FMNL2: variants seen among roughly 807,000 people sequenced by gnomAD.
The protein encoded by FMNL2 is formin like 2, also known as formin-like protein 2.
Under a neutral mutation model 130.2 loss-of-function variants are expected in FMNL2, and 51 were observed. That is an observed-to-expected ratio of 0.39 (90% confidence interval 0.31 to 0.49). FMNL2 has a LOEUF of 0.49. Ranked by LOEUF, FMNL2 falls within the 20% of genes least tolerant of loss-of-function variation. FMNL2 has a pLI of 0.85. For synonymous variants in FMNL2, 465 were observed against 467.1 expected (o/e 1.00, Z 0.06); for missense variants, 977 against 1,316.2 (o/e 0.74, Z 3.99).
In FMNL2 at chr2:152,593,979, C is replaced by T. The variant is rs528039470; in HGVS notation, c.876+12930C>T. ...ACTAAGTAACTAAGGAGGAAAACTC[C>T]CCCACAGGGACCCCAGTCCAGAAGG... On this transcript the variant is annotated intron_variant, in intron 9 of 25. Coordinates refer to ENST00000288670, the MANE Select transcript of FMNL2 (RefSeq NM_052905.4). Among the ~76,000 whole-genome samples the T allele has an allele frequency of 2.0e-5, 3 of 149,720 alleles. No individual in the cohort carries two copies. In the Admixed American group the frequency reaches 2.0e-4, roughly 10 times the overall value.
intron 1 of FMNL2, among the ~76,000 whole-genome samples, chr2:152,500,970 G>A (rs1284595289): frequency 6.6e-6 from 1 of 152,242 alleles, no homozygotes; most frequent in African/African-American, 2.4e-5. Context: ...GTCCCTGACC[G>A]AGGCAGGCGC....
intron 2 of FMNL2, among the ~76,000 whole-genome samples, chr2:152,537,517 C>T (rs756836135): frequency 1.3e-5 from 2 of 152,162 alleles, no homozygotes; most frequent in South Asian, 2.1e-4. Flanking sequence ...TTGGCTCTGA[C>T]GTGAGCTTGA....
intron 9 of FMNL2, among the ~76,000 whole-genome samples, chr2:152,594,283 T>A (rs1192664607): frequency 6.6e-6 from 1 of 152,206 alleles, no homozygotes; most frequent in African/African-American, 2.4e-5. Context: ...TAAGAAAGAT[T>A]AAGTGCTTCT....
rs1187221963 is a variant in FMNL2, at chr2:152,360,323, C to CCTCTT, written c.117+24616_117+24620dup. Among the ~76,000 whole-genome samples the CCTCTT allele has an allele frequency of 1.3e-4, 19 of 151,296 alleles. No homozygotes were observed. The South Asian group carries it at 4.0e-3, about 32-fold the overall frequency. On this transcript the variant is annotated intron_variant, in intron 1 of 25. Transcript: ENST00000288670. ...TTCCTCTCTTTTTCTTTCTTCTTTT[C>CCTCTT]CTCTTCTCTTCTCTTCTTTTTCTTT...
Position 152,647,960 on chromosome 2 carries a change from G to A in FMNL2, c.*55G>A. On this transcript the variant is annotated 3_prime_UTR_variant, in exon 26 of 26. Transcript: ENST00000288670. ...TGTGCGTGAATGAAACTGCCCACAT[G>A]AACTTTATGTGCTACGATTTAACTG... 1.5e-6 allele frequency: 2 copies of A among 1,377,020 alleles called. No homozygotes were observed. The highest frequency in any genetic ancestry group is 2.0e-6 in the Non-Finnish European group (2 of 994,862). The allele number at this position is 1,377,020 out of a possible 1,614,324, so 85.3% of individuals were successfully genotyped here. A position where few individuals can be genotyped will look rare whatever the true frequency, so the allele number is the denominator to read the frequency against.
intron 3 of FMNL2, among the ~76,000 whole-genome samples, chr2:152,547,537 A>T (rs1669859637): frequency 1.3e-5 from 2 of 152,180 alleles, no homozygotes; most frequent in African/African-American, 4.8e-5. Flanking sequence ...GGCTCTGCTT[A>T]GAAGCAGCTG....
At chr2:152,524,399 C>T (rs1693270267) in intron 2 of FMNL2, among the ~76,000 whole-genome samples, 1 of 152,132 alleles carries the variant, frequency 6.6e-6, no homozygotes, top group Non-Finnish European at 1.5e-5. Context: ...ACGTGTCTAA[C>T]TAATTCTGGA....
chr2:152,490,692 C>T (rs982131720), intron 1 of FMNL2, among the ~76,000 whole-genome samples: 3 of 148,064 alleles, frequency 2.0e-5, no homozygotes, highest in Admixed American at 1.4e-4. Flanking sequence ...CCTCACCTTC[C>T]ACATTGGCTA....
At chr2:152,409,044 G>A (rs1686148182) in intron 1 of FMNL2, among the ~76,000 whole-genome samples, 1 of 152,118 alleles carries the variant, frequency 6.6e-6, no homozygotes, top group South Asian at 2.1e-4. Context: ...TTTGCAATTG[G>A]CTTCATAAAT....
intron 1 of FMNL2, among the ~76,000 whole-genome samples, chr2:152,431,456 A>C (rs537731215): frequency 1.3e-5 from 2 of 152,336 alleles, no homozygotes; most frequent in African/African-American, 4.8e-5. Context: ...AAAAAGATTA[A>C]CTTCTTTATG....
intron 9 of FMNL2, among the ~76,000 whole-genome samples, chr2:152,588,546 C>T (rs1174333664): frequency 6.6e-6 from 1 of 152,084 alleles, no homozygotes; most frequent in Non-Finnish European, 1.5e-5. Flanking sequence ...GCATAGTCAA[C>T]AGGATCAGGA....
intron 9 of FMNL2, among the ~76,000 whole-genome samples, chr2:152,601,211 C>G (rs952901474): frequency 2.6e-5 from 4 of 152,104 alleles, no homozygotes; most frequent in Non-Finnish European, 4.4e-5. Flanking sequence ...TTGGAATTCC[C>G]CCTTACTCCC....
intron 1 of FMNL2, among the ~76,000 whole-genome samples, chr2:152,363,789 T>C (rs955734550): frequency 5.3e-5 from 8 of 152,166 alleles, no homozygotes; most frequent in African/African-American, 1.4e-4. Flanking sequence ...CTCGAACTCC[T>C]GACCTCAGGT....
chr2:152,607,508 T>C lies in FMNL2; in HGVS notation c.951+95T>C, dbSNP rs573607400. The C allele has an allele frequency of 9.9e-5, 79 of 798,906 alleles. 1 individual carries two copies. The highest frequency in any genetic ancestry group is 4.7e-4 in the Admixed American group (19 of 40,634). The allele number at this position is 798,906 out of a possible 1,614,324, so 49.5% of individuals were successfully genotyped here. A position where few individuals can be genotyped will look rare whatever the true frequency, so the allele number is the denominator to read the frequency against. ...ACACACACACACACACACACACACA[T>C]ATTTATATTACAAAGGACAGGGAAT... On this transcript the variant is annotated intron_variant, in intron 10 of 25. Coordinates refer to ENST00000288670, the MANE Select transcript of FMNL2 (RefSeq NM_052905.4).
At chr2:152,506,024 C>G (rs552237631) in intron 1 of FMNL2, among the ~76,000 whole-genome samples, 5 of 152,214 alleles carry the variant, frequency 3.3e-5, no homozygotes, top group African/African-American at 1.2e-4. Flanking sequence ...TGAAAGATTT[C>G]TTTAGAAGTT....
intron 10 of FMNL2, among the ~76,000 whole-genome samples, chr2:152,611,215 T>A (rs1698661845): frequency 6.6e-6 from 1 of 152,112 alleles, no homozygotes; most frequent in Admixed American, 6.5e-5. Flanking sequence ...GGCACCTGCC[T>A]GTAATCCCAG....
intron 1 of FMNL2, among the ~76,000 whole-genome samples, chr2:152,419,633 G>A (rs1162868904): frequency 6.6e-6 from 1 of 152,086 alleles, no homozygotes; most frequent in Admixed American, 6.6e-5. Context: ...AATTTTAATA[G>A]CTTTTTTCTG....
chr2:152,603,940 T>C (rs1023754), intron 9 of FMNL2, among the ~76,000 whole-genome samples: 67,971 of 150,348 alleles, frequency 0.45, 17,394 homozygotes, highest in East Asian at 0.76. Context: ...ATATGAGCCA[T>C]TGGTTCCCAG....
chr2:152,440,475 G>A (rs1485328902), intron 1 of FMNL2, among the ~76,000 whole-genome samples: 3 of 152,168 alleles, frequency 2.0e-5, no homozygotes, highest in African/African-American at 4.8e-5. Flanking sequence ...GAAATGGCCC[G>A]CTTGACTGTG....
Sources: allele counts gnomAD v4.1 joint callset (sites outside exome capture counted in the v4.1 genomes callset), GRCh38; gene constraint gnomAD v4.1.1; transcripts MANE v1.5; gene names NCBI Gene and HGNC (gene_info 2026-07-23, HGNC 2026-07-21).